Variants in UGT1A6 observed in about 807,000 individuals in gnomAD.
The protein encoded by UGT1A6 is UDP glucuronosyltransferase family 1 member A6.
UGT1A6 carries 32 observed loss-of-function variants against 44.4 expected under a neutral mutation model. The ratio of observed to expected loss-of-function variants is 0.72; its 90% CI spans 0.54 to 0.97. The LOEUF is 0.97. UGT1A6 is among the 50% of genes least tolerant of loss of function. The pLI is 0.00. For synonymous variants in UGT1A6, 238 were observed against 248.5 expected, an observed-to-expected ratio of 0.96 and a Z score of 0.40; for missense variants, 685 against 661.9, an observed-to-expected ratio of 1.03 and a Z score of -0.38.
In UGT1A6 at chr2:233,769,471, G is replaced by T. The variant is rs969663450; in HGVS notation, c.1301+1032G>T. On this transcript the variant is annotated intron_variant, in intron 4 of 4. Coordinates refer to ENST00000305139, the MANE Select transcript of UGT1A6 (RefSeq NM_001072.4). The surrounding 1 kb of genome is among the most constrained non-coding windows in gnomAD (Gnocchi z 4.4). ...CACGTGTGCATTCATATGCGTGTGT[G>T]TGTGTGTGCGTGTGTTTATGAGAGT... The T allele has an allele frequency of 2.5e-6, 4 of 1,609,228 alleles. No homozygotes were observed. The African/African-American group carries it at 5.3e-5, about 21-fold the overall frequency.
At chr2:233,725,685 C>T (rs2077466808) in intron 1 of UGT1A6, among the ~76,000 whole-genome samples, 2 of 152,008 alleles carry the variant, frequency 1.3e-5, no homozygotes, top group African/African-American at 4.8e-5. Flanking sequence ...TTCAAGTGCT[C>T]AATAGTCATA....
intron 1 of UGT1A6, among the ~76,000 whole-genome samples, chr2:233,726,759 A>G (rs763773622): frequency 6.6e-6 from 1 of 152,232 alleles, no homozygotes; most frequent in South Asian, 2.1e-4. Flanking sequence ...TGCCTACCAC[A>G]GACACTAAGC....
intron 1 of UGT1A6, chr2:233,747,072 T>G: frequency 9.8e-7 from 1 of 1,024,480 alleles, no homozygotes; most frequent in South Asian, 1.7e-5. Flanking sequence ...TCGGTAATAA[T>G]TAACTAGGAG....
intron 1 of UGT1A6, chr2:233,747,987 G>A: frequency 6.2e-7 from 1 of 1,613,454 alleles, no homozygotes; most frequent in Non-Finnish European, 8.5e-7. Context: ...GCTGTTCCGA[G>A]GGGACTTTGT....
At chr2:233,763,407 T>C (rs888338345) in intron 1 of UGT1A6, among the ~76,000 whole-genome samples, 1 of 152,240 alleles carries the variant, frequency 6.6e-6, no homozygotes, top group African/African-American at 2.4e-5. Flanking sequence ...GCACTGGTAT[T>C]TTTAATCCAG....
chr2:233,724,330 C>A (rs1214568164), intron 1 of UGT1A6, among the ~76,000 whole-genome samples: 2 of 122,004 alleles, frequency 1.6e-5, no homozygotes, highest in African/African-American at 6.2e-5. Context: ...GCTGGCCAGG[C>A]GGGGGGCTGA....
At chr2:233,754,832 T>G (rs773754133) in intron 1 of UGT1A6, 4 of 1,342,732 alleles carry the variant, frequency 3.0e-6, no homozygotes, top group Non-Finnish European at 4.0e-6. Context: ...AAGCTGGAAA[T>G]TCACTGAAGG....
chr2:233,698,141 G>C (rs12466747), intron 1 of UGT1A6, among the ~76,000 whole-genome samples: 27,033 of 152,174 alleles, frequency 0.18, 2,695 homozygotes, highest in Non-Finnish European at 0.23. Flanking sequence ...TGTCTCAACT[G>C]TATTCCCAGC....
intron 1 of UGT1A6, chr2:233,754,848 A>G (rs1437174207): frequency 7.4e-7 from 1 of 1,344,734 alleles, no homozygotes; most frequent in African/African-American, 1.5e-5. Flanking sequence ...GAAGGCAGAG[A>G]AAAGGGGTGC....
At chr2:233,746,793 T>G (rs1030985091) in intron 1 of UGT1A6, among the ~76,000 whole-genome samples, 4 of 151,826 alleles carry the variant, frequency 2.6e-5, no homozygotes, top group Non-Finnish European at 4.4e-5. Context: ...TTGTAATTCA[T>G]GAGCGTGAAT....
intron 1 of UGT1A6, chr2:233,717,836 C>G (rs2076610454): frequency 6.6e-6 from 3 of 455,170 alleles, no homozygotes; most frequent in Non-Finnish European, 1.3e-5. Flanking sequence ...TCTGGAGGAA[C>G]CATTCTTATC....
At chr2:233,750,055 CT>C (rs1365939187) in intron 1 of UGT1A6, among the ~76,000 whole-genome samples, 2 of 151,758 alleles carry the variant, frequency 1.3e-5, no homozygotes, top group Non-Finnish European at 2.9e-5. Context: ...GTGGAAGTGA[CT>C]TTGGAACTGG....
intron 1 of UGT1A6, among the ~76,000 whole-genome samples, chr2:233,710,901 G>C (rs2076153104): frequency 6.6e-6 from 1 of 152,218 alleles, no homozygotes; most frequent in African/African-American, 2.4e-5. Flanking sequence ...GGTTTGGGTG[G>C]AAAGAGGTCT....
chr2:233,733,827 G>A (rs1305233298), intron 1 of UGT1A6, among the ~76,000 whole-genome samples: 1 of 152,118 alleles, frequency 6.6e-6, no homozygotes, highest in African/African-American at 2.4e-5. Flanking sequence ...CATAAAATGA[G>A]TTAGGGAGGA....
chr2:233,713,569 A>G, intron 1 of UGT1A6: 3 of 1,613,912 alleles, frequency 1.9e-6, no homozygotes, highest in Non-Finnish European at 2.5e-6. Context: ...CCTTCCTCCT[A>G]TATTCCTAGA....
chr2:233,730,949 G>A (rs1036759717), intron 1 of UGT1A6, among the ~76,000 whole-genome samples: 16 of 152,150 alleles, frequency 1.1e-4, no homozygotes, highest in African/African-American at 1.4e-4. Flanking sequence ...TTTGGGTTTC[G>A]TTGAAATGGT....
Position 233,767,941 on chromosome 2 carries a change from G to A in UGT1A6, c.1081+5G>A. The A allele has an allele frequency of 1.2e-6, 2 of 1,614,200 alleles. No homozygotes were observed. Among genetic ancestry groups the A allele is most frequent in the South Asian group, 1.1e-5 (1 of 91,084 alleles). On this transcript the variant is annotated splice_donor_5th_base_variant and intron_variant, in intron 3 of 4. Coordinates refer to ENST00000305139, the MANE Select transcript of UGT1A6 (RefSeq NM_001072.4). ...TACCCCAAAACGATCTGCTTGGTAT[G>A]TTGGGCGGATTGGATGTATAGGTCA...
At chr2:233,740,749 G>A (rs1056795569) in intron 1 of UGT1A6, 15 of 151,730 alleles carry the variant, frequency 9.9e-5, no homozygotes, top group African/African-American at 3.7e-4. Context: ...TTTACACTCT[G>A]AAAACCTTAT....
intron 1 of UGT1A6, chr2:233,741,568 C>G (rs1459540084): frequency 2.0e-5 from 3 of 151,868 alleles, no homozygotes; most frequent in African/African-American, 7.3e-5. Context: ...GTATGAGAAT[C>G]AACTACCCAG....
Sources: allele counts gnomAD v4.1 joint callset (sites outside exome capture counted in the v4.1 genomes callset), GRCh38; gene constraint gnomAD v4.1.1; non-coding constraint Gnocchi (gnomAD v3.1); transcripts MANE v1.5; gene names NCBI Gene and HGNC (gene_info 2026-07-23, HGNC 2026-07-21).